The following BCL2 variants were observed in gnomAD, a reference collection of about 807,000 sequenced individuals.
BCL2 encodes BCL2 apoptosis regulator.
A neutral mutation model predicts 14.2 loss-of-function variants in BCL2; 1 was observed. The observed-to-expected ratio is 0.07, with a 90% CI of 0.02 to 0.33. BCL2 has a LOEUF of 0.33. Ranked by LOEUF, BCL2 falls within the 10% of genes least tolerant of loss-of-function variation. The pLI is 0.99. For synonymous variants in BCL2, 151 were observed against 137.2 expected (o/e 1.10, Z -0.70); for missense variants, 247 against 305.9 (o/e 0.81, Z 1.44).
At chr18:63,231,505 A>T (rs1034054944) in intron 2 of BCL2, among the ~76,000 whole-genome samples, 31 of 152,084 alleles carry the variant, frequency 2.0e-4, no homozygotes, top group Middle Eastern at 3.2e-3. Context: ...TTTGGCAGGG[A>T]CGCTGGAGAC....
chr18:63,272,955 TA>T (rs1481726948), intron 2 of BCL2, among the ~76,000 whole-genome samples: 1 of 151,396 alleles, frequency 6.6e-6, no homozygotes, highest in East Asian at 1.9e-4. Flanking sequence ...GATCTCTTGG[TA>T]GTCCATTCAC....
At chr18:63,228,608 A>G (rs1910608650) in intron 2 of BCL2, among the ~76,000 whole-genome samples, 1 of 152,224 alleles carries the variant, frequency 6.6e-6, no homozygotes, top group Non-Finnish European at 1.5e-5. Context: ...AGTGTTTAGG[A>G]CATTCCTTAA....
At chr18:63,307,058 A>C (rs1365137359) in intron 2 of BCL2, among the ~76,000 whole-genome samples, 1 of 152,088 alleles carries the variant, frequency 6.6e-6, no homozygotes, top group African/African-American at 2.4e-5. Flanking sequence ...TGAATAACTG[A>C]TCTCTTGTTC....
Position 63,256,955 on chromosome 18 carries a change from G to T in BCL2, c.585+61127C>A, listed in dbSNP as rs529437677. On this transcript the variant is annotated intron_variant, in intron 2 of 2. Transcript: ENST00000333681. ...CCAGTCTATGCCAAATGGGAAAAAT[G>T]AGGGAAAGTAATGAGTTCTTTGAAA... 2.7e-4 allele frequency among the ~76,000 whole-genome samples: 41 copies of T among 152,330 alleles called. 1 individual carries two copies. The South Asian group carries it at 5.4e-3, about 20-fold the overall frequency.
At chr18:63,219,451 C>CTT (rs11289698) in intron 2 of BCL2, among the ~76,000 whole-genome samples, 1,463 of 109,614 alleles carry the variant, frequency 0.013, 4 homozygotes, top group Middle Eastern at 0.019. Context: ...CACAGCAGAA[C>CTT]TTTTTTTTTT....
intron 2 of BCL2, chr18:63,302,675 T>G (rs952413443): frequency 1.0e-6 from 1 of 984,656 alleles, no homozygotes; most frequent in Non-Finnish European, 1.2e-6. Context: ...ATATGTTTCA[T>G]AACACAAGAG....
At chr18:63,172,204 T>C (rs1336567628) in intron 2 of BCL2, among the ~76,000 whole-genome samples, 2 of 152,180 alleles carry the variant, frequency 1.3e-5, no homozygotes, top group Non-Finnish European at 2.9e-5. Flanking sequence ...TAATGAACAA[T>C]TTCTAAAGAT....
At chr18:63,226,351 A>G (rs1174713881) in intron 2 of BCL2, among the ~76,000 whole-genome samples, 1 of 151,630 alleles carries the variant, frequency 6.6e-6, no homozygotes. Context: ...CCTTTGGACC[A>G]TGGTATCAGG....
intron 2 of BCL2, among the ~76,000 whole-genome samples, chr18:63,172,892 CCAACGGATCT>C (rs1915259130): frequency 6.6e-6 from 1 of 152,324 alleles, no homozygotes; most frequent in African/African-American, 2.4e-5. Flanking sequence ...TCATGATGCA[CCAACGGATCT>C]CAACTCCGCA....
intron 2 of BCL2, among the ~76,000 whole-genome samples, chr18:63,296,743 C>T (rs1412653155): frequency 6.6e-6 from 1 of 152,156 alleles, no homozygotes; most frequent in Non-Finnish European, 1.5e-5. Context: ...ATGGGAGCCA[C>T]AAGAACATGA....
intron 2 of BCL2, among the ~76,000 whole-genome samples, chr18:63,160,813 G>C (rs533332370): frequency 6.6e-6 from 1 of 152,148 alleles, no homozygotes; most frequent in Non-Finnish European, 1.5e-5. Context: ...TTGGGGTGGG[G>C]GTAAGGGTAC....
At chr18:63,219,454 T>A (rs1007283249) in intron 2 of BCL2, among the ~76,000 whole-genome samples, 1 of 143,844 alleles carries the variant, frequency 7.0e-6, no homozygotes, top group Admixed American at 6.9e-5. Context: ...AGCAGAACTT[T>A]TTTTTTTTTT....
intron 2 of BCL2, among the ~76,000 whole-genome samples, chr18:63,212,625 C>T (rs913562371): frequency 1.3e-5 from 2 of 151,940 alleles, no homozygotes; most frequent in Admixed American, 6.6e-5. Flanking sequence ...AACTGTAATC[C>T]CAGCACTTTG....
intron 2 of BCL2, among the ~76,000 whole-genome samples, chr18:63,228,414 A>G (rs2046922628): frequency 1.3e-5 from 2 of 152,356 alleles, no homozygotes; most frequent in South Asian, 2.1e-4. Flanking sequence ...ATAGAACAGC[A>G]TAACTTTATA....
intron 2 of BCL2, among the ~76,000 whole-genome samples, chr18:63,172,392 T>C (rs1460972169): frequency 6.6e-6 from 1 of 152,192 alleles, no homozygotes; most frequent in Non-Finnish European, 1.5e-5. Flanking sequence ...ACTGGTGAGA[T>C]GGATCTGGCT....
intron 2 of BCL2, among the ~76,000 whole-genome samples, chr18:63,199,270 C>T: frequency 6.8e-6 from 1 of 147,702 alleles, no homozygotes. Flanking sequence ...TGCACACACA[C>T]AACACACACA....
chr18:63,210,036 G>A (rs1909957342), intron 2 of BCL2, among the ~76,000 whole-genome samples: 1 of 152,182 alleles, frequency 6.6e-6, no homozygotes, highest in Admixed American at 6.5e-5. Flanking sequence ...GTGGAGGGTG[G>A]CAGTAGGGAC....
chr18:63,252,104 C>T (rs1372320916), intron 2 of BCL2, among the ~76,000 whole-genome samples: 2 of 152,160 alleles, frequency 1.3e-5, no homozygotes, highest in African/African-American at 4.8e-5. Context: ...AGAATTATGT[C>T]TCTACCAATC....
At chr18:63,168,109 A>T (rs977429993) in intron 2 of BCL2, among the ~76,000 whole-genome samples, 4 of 152,232 alleles carry the variant, frequency 2.6e-5, no homozygotes, top group African/African-American at 4.8e-5. Context: ...TGGAATGGGC[A>T]GGTGGTTCTG....
Sources: gnomAD v4.1 joint callset for allele counts (sites outside exome capture counted in the v4.1 genomes callset) on GRCh38, gnomAD v4.1.1 for gene constraint, MANE v1.5 for transcripts, NCBI Gene and HGNC (gene_info 2026-07-23, HGNC 2026-07-21) for gene names.